ZFHX3: variants seen among roughly 807,000 people sequenced by gnomAD.
The protein encoded by ZFHX3 is zinc finger homeobox protein 3.
ZFHX3 carries 42 observed loss-of-function variants against 279.1 expected under a neutral mutation model. That is an observed-to-expected ratio of 0.15 (90% confidence interval 0.12 to 0.19). The LOEUF (loss-of-function observed/expected upper bound fraction) is 0.19. Ranked by LOEUF, ZFHX3 falls within the 10% of genes least tolerant of loss-of-function variation. The probability of loss-of-function intolerance (pLI) is 1.00; values close to 1 mark genes in which losing one functional copy is unlikely to be tolerated. For missense variants in ZFHX3, 4,981 were observed against 4,754.0 expected, an observed-to-expected ratio of 1.05 and a Z score of -1.40; for synonymous variants, 2,293 against 1,957.8, an observed-to-expected ratio of 1.17 and a Z score of -4.52.
At chr16:73,512,161 G>A (rs945235713) in intron 2 of ZFHX3, among the ~76,000 whole-genome samples, 1 of 151,900 alleles carries the variant, frequency 6.6e-6, no homozygotes, top group African/African-American at 2.4e-5. Context: ...CTGGCCTGGT[G>A]GCTCATGCCT....
At chr16:73,268,678 G>A (rs1005281288) in intron 4 of ZFHX3, among the ~76,000 whole-genome samples, 5 of 152,144 alleles carry the variant, frequency 3.3e-5, no homozygotes, top group Admixed American at 6.5e-5. Context: ...CAGAGGGCTC[G>A]GGGCGCACCT....
chr16:73,136,842 C>T (rs1051920639), intron 6 of ZFHX3, among the ~76,000 whole-genome samples: 43 of 149,872 alleles, frequency 2.9e-4, no homozygotes, highest in African/African-American at 9.3e-4. Context: ...GAGATTCTGA[C>T]AATGTTTATC....
chr16:73,688,356 C>CAA (rs61469980), intron 1 of ZFHX3, among the ~76,000 whole-genome samples: 52,685 of 103,188 alleles, frequency 0.51, 14,752 homozygotes, highest in East Asian at 0.78. Flanking sequence ...GACTCCATCT[C>CAA]AAAAAAAAAA....
At chr16:73,053,811 C>T (rs1965495256) in intron 1 of ZFHX3, among the ~76,000 whole-genome samples, 1 of 152,056 alleles carries the variant, frequency 6.6e-6, no homozygotes, top group South Asian at 2.1e-4. Context: ...ATAAGAGGGC[C>T]CTGCAAAGAA....
intron 7 of ZFHX3, among the ~76,000 whole-genome samples, chr16:72,810,074 CAG>C (rs779845537): frequency 6.6e-6 from 1 of 151,928 alleles, no homozygotes; most frequent in Non-Finnish European, 1.5e-5. Flanking sequence ...TCAGTAGAGA[CAG>C]GGTTTCACCG....
chr16:72,877,308 A>G (rs1027720329), intron 4 of ZFHX3, among the ~76,000 whole-genome samples: 1 of 152,202 alleles, frequency 6.6e-6, no homozygotes, highest in Non-Finnish European at 1.5e-5. Context: ...CTGGACTCGC[A>G]GCGCTGGGGC....
intron 3 of ZFHX3, among the ~76,000 whole-genome samples, chr16:73,331,240 G>C (rs573700829): frequency 2.0e-5 from 3 of 152,290 alleles, no homozygotes; most frequent in East Asian, 3.9e-4. Flanking sequence ...GAACAGCATG[G>C]AGGAACCGCC....
chr16:73,527,377 T>C (rs2019714321), intron 2 of ZFHX3, among the ~76,000 whole-genome samples: 1 of 152,146 alleles, frequency 6.6e-6, no homozygotes, highest in Non-Finnish European at 1.5e-5. Flanking sequence ...GAACTCCTAT[T>C]TGGCACCACC....
At chr16:73,611,778 T>C (rs759139912) in intron 2 of ZFHX3, among the ~76,000 whole-genome samples, 9 of 152,320 alleles carry the variant, frequency 5.9e-5, no homozygotes, top group African/African-American at 1.9e-4. Context: ...TAATAATTTA[T>C]AGTTGTTTCT....
chr16:73,113,801 T>TTA (rs1966404167), intron 7 of ZFHX3, among the ~76,000 whole-genome samples: 1 of 146,636 alleles, frequency 6.8e-6, no homozygotes. Flanking sequence ...AACTTTTTTT[T>TTA]TTTTTTTTTT....
At chr16:72,950,281 C>T (rs555944961) in intron 3 of ZFHX3, among the ~76,000 whole-genome samples, 188 bp downstream of exon 3, 2 of 152,236 alleles carry the variant, frequency 1.3e-5, no homozygotes, top group South Asian at 4.2e-4. Flanking sequence ...ACTCACTGAA[C>T]CTGTCACGTT....
intron 5 of ZFHX3, among the ~76,000 whole-genome samples, chr16:73,146,445 ATCT>A (rs915513574): frequency 4.7e-5 from 7 of 149,550 alleles, no homozygotes; most frequent in African/African-American, 1.7e-4. Flanking sequence ...AAAAAAAAAG[ATCT>A]TCTGAAAGGC....
rs1183586629 is a variant in ZFHX3, at chr16:72,794,192, C to T, written c.8490G>A (p.Leu2830=). The T allele has an allele frequency of 1.8e-5, 29 of 1,614,164 alleles. No homozygotes were observed. The highest frequency in any genetic ancestry group is 2.5e-5 in the Non-Finnish European group (29 of 1,180,030). Residue 2830 remains leucine, a synonymous_variant, in exon 9 of 10, where the codon CTG becomes CTA. Coordinates refer to ENST00000268489, the MANE Select transcript of ZFHX3 (RefSeq NM_006885.4). This position sits in a 1 kb window ranked among gnomAD's most constrained non-coding sequence, Gnocchi z 4.2. ...TGACAGAGGAACAGTCATCGTTGTCCAGCTTAGTTTGGTCAAAGTTTAGAT... is the reference window on the plus strand; with the variant it reads ...TGACAGAGGAACAGTCATCGTTGTCTAGCTTAGTTTGGTCAAAGTTTAGAT... ...SVNLNFDQTK[L]DNDDCSSVNT... is the part of the protein sequence containing the mutation.
intron 7 of ZFHX3, chr16:73,127,258 G>A (rs986921254): frequency 1.2e-5 from 13 of 1,108,850 alleles, no homozygotes; most frequent in African/African-American, 3.3e-5. Context: ...GCTAAAGGCT[G>A]CCGATAGGAA....
intron 3 of ZFHX3, among the ~76,000 whole-genome samples, chr16:73,361,661 C>G (rs1045469732): frequency 6.6e-6 from 1 of 152,188 alleles, no homozygotes; most frequent in East Asian, 1.9e-4. Context: ...CTCCTTCCCC[C>G]CACTGTAAAA....
rs1172701313 is a variant in ZFHX3, at chr16:73,788,380, A to G, written c.-1608+103271T>C. On this transcript the variant is annotated intron_variant, in intron 1 of 17. Coordinates refer to the ZFHX3 transcript ENST00000641206. ...AGGGCAAAACACCCAGCACAGGTTTATATAAGAGACTTCGTGTCCTTGGAC... is the reference window on the plus strand; with the variant it reads ...AGGGCAAAACACCCAGCACAGGTTTGTATAAGAGACTTCGTGTCCTTGGAC... 5.3e-5 allele frequency among the ~76,000 whole-genome samples: 8 copies of G among 152,356 alleles called. No individual in the cohort carries two copies. The East Asian group carries it at 1.5e-3, about 29-fold the overall frequency.
chr16:73,559,104 G>A (rs1037981699), intron 2 of ZFHX3, among the ~76,000 whole-genome samples: 2 of 152,012 alleles, frequency 1.3e-5, no homozygotes, highest in African/African-American at 4.8e-5. Context: ...CTGGAGTGCA[G>A]TGGTGCTATC....
In ZFHX3 at chr16:73,293,986, C is replaced by CAAAAAA. The variant is rs56783722; in HGVS notation, c.-1194+24248_-1194+24253dup. On this transcript the variant is annotated intron_variant, in intron 4 of 17. Transcript: ENST00000641206. Reference sequence around the variant, plus strand: ...TCCTTGGCTTTCTAAGTCAATATGCCAAAAAAAAAAAAAAAAAAAAAAAAA... The same window carrying CAAAAAA: ...TCCTTGGCTTTCTAAGTCAATATGCCAAAAAAAAAAAAAAAAAAAAAAAAAAAAAAA... 2.4e-4 allele frequency: 10 copies of CAAAAAA among 41,750 alleles called. 1 individual carries two copies. The highest frequency in any genetic ancestry group is 7.0e-4 in the African/African-American group (8 of 11,436). The allele number at this position is 41,750 out of a possible 1,614,324, so 2.6% of individuals were successfully genotyped here. A position where few individuals can be genotyped will look rare whatever the true frequency, so the allele number is the denominator to read the frequency against.
At chr16:72,965,160 T>C (rs1961774685) in intron 1 of ZFHX3, among the ~76,000 whole-genome samples, 1 of 152,234 alleles carries the variant, frequency 6.6e-6, no homozygotes, top group South Asian at 2.1e-4. Flanking sequence ...ATTACAGGCG[T>C]GAGCCACCGC....
Sources: allele counts gnomAD v4.1 joint callset (sites outside exome capture counted in the v4.1 genomes callset), GRCh38; gene constraint gnomAD v4.1.1; non-coding constraint Gnocchi (gnomAD v3.1); transcripts MANE v1.5; gene names NCBI Gene and HGNC (gene_info 2026-07-23, HGNC 2026-07-21).